MAGI2: variants seen among roughly 807,000 people sequenced by gnomAD.
MAGI2 encodes the protein membrane associated guanylate kinase, WW and PDZ domain containing 2, also known as membrane-associated guanylate kinase, WW and PDZ domain-containing protein 2.
MAGI2 carries 35 observed loss-of-function variants against 133.3 expected under a neutral mutation model. The ratio of observed to expected loss-of-function variants is 0.26; its 90% confidence interval spans 0.20 to 0.35. The LOEUF (loss-of-function observed/expected upper bound fraction) is 0.35. Among genes scored for constraint, MAGI2 ranks in the 10% least tolerant of loss-of-function variants. The pLI is 1.00. For synonymous variants in MAGI2, 729 were observed against 710.6 expected (o/e 1.03, Z -0.41); for missense variants, 1,636 against 1,863.4 (o/e 0.88, Z 2.25).
chr7:79,356,346 A>G (rs1842017704), intron 1 of MAGI2, among the ~76,000 whole-genome samples: 2 of 152,162 alleles, frequency 1.3e-5, no homozygotes, highest in African/African-American at 4.8e-5. Context: ...AATAATCTAC[A>G]TCAGCAATCA....
intron 1 of MAGI2, among the ~76,000 whole-genome samples, chr7:79,322,280 C>G (rs1839239959): frequency 6.6e-6 from 1 of 152,038 alleles, no homozygotes; most frequent in African/African-American, 2.4e-5. Flanking sequence ...GAGACAAGAG[C>G]AAAAACCAGC....
At chr7:78,282,207 C>G (rs1023830718) in intron 9 of MAGI2, among the ~76,000 whole-genome samples, 1 of 152,030 alleles carries the variant, frequency 6.6e-6, no homozygotes, top group Non-Finnish European at 1.5e-5. Context: ...GAGACTTAAA[C>G]TCATTTAGTG....
intron 1 of MAGI2, among the ~76,000 whole-genome samples, chr7:79,261,120 T>G (rs569084727): frequency 2.0e-5 from 3 of 152,318 alleles, no homozygotes; most frequent in Admixed American, 2.0e-4. Context: ...ATGGTCATGT[T>G]TCAGTATAGA....
chr7:78,201,556 A>T (rs1437871472), intron 10 of MAGI2, among the ~76,000 whole-genome samples: 2 of 152,200 alleles, frequency 1.3e-5, no homozygotes, highest in African/African-American at 4.8e-5. Context: ...ATACATTTTG[A>T]TTTCAAAGGT....
intron 1 of MAGI2, among the ~76,000 whole-genome samples, chr7:79,381,469 T>C (rs971302326): frequency 6.6e-6 from 1 of 151,784 alleles, no homozygotes; most frequent in Non-Finnish European, 1.5e-5. Context: ...AGTTCTTTCA[T>C]CCTTAAATAT....
intron 6 of MAGI2, among the ~76,000 whole-genome samples, chr7:78,435,598 T>C (rs1046633159): frequency 1.3e-5 from 2 of 152,062 alleles, no homozygotes; most frequent in Non-Finnish European, 2.9e-5. Flanking sequence ...GCAGAAGTGA[T>C]TGGAACCCAC....
chr7:78,743,199 C>G (rs1235101728), intron 2 of MAGI2, among the ~76,000 whole-genome samples: 1 of 151,888 alleles, frequency 6.6e-6, no homozygotes, highest in South Asian at 2.1e-4. Flanking sequence ...CTACTAGAAC[C>G]CTATAGAGAT....
intron 21 of MAGI2, among the ~76,000 whole-genome samples, chr7:78,073,750 G>A (rs1003854502): frequency 6.6e-6 from 1 of 152,188 alleles, no homozygotes; most frequent in African/African-American, 2.4e-5. Flanking sequence ...TCAAGGCAGG[G>A]AGCTAATCTG....
intron 9 of MAGI2, among the ~76,000 whole-genome samples, chr7:78,334,750 T>C (rs1789578046): frequency 6.6e-6 from 1 of 152,224 alleles, no homozygotes; most frequent in African/African-American, 2.4e-5. Context: ...TTCTGACTTT[T>C]GGTTCAAGAT....
intron 16 of MAGI2, among the ~76,000 whole-genome samples, chr7:78,138,093 G>C (rs1182241839): frequency 6.6e-6 from 1 of 152,176 alleles, no homozygotes; most frequent in Non-Finnish European, 1.5e-5. Context: ...TAGAACCCTA[G>C]TCTATCAGAT....
chr7:78,050,275 C>T (rs1463444032), intron 21 of MAGI2, among the ~76,000 whole-genome samples: 2 of 152,156 alleles, frequency 1.3e-5, no homozygotes, highest in Non-Finnish European at 2.9e-5. Context: ...CCTGTCTGAA[C>T]CTTAGGGATC....
At chr7:79,175,945 G>T (rs961723125) in intron 1 of MAGI2, among the ~76,000 whole-genome samples, 1 of 151,860 alleles carries the variant, frequency 6.6e-6, no homozygotes, top group African/African-American at 2.4e-5. Flanking sequence ...TACAAACCTT[G>T]CATGGGGCAT....
chr7:78,408,682 G>A lies in MAGI2; in HGVS notation c.1046-39469C>T, dbSNP rs115816412. Among the ~76,000 whole-genome samples the A allele has an allele frequency of 3.5e-3, 538 of 152,116 alleles. 1 individual carries two copies. The highest frequency in any genetic ancestry group is 0.012 in the African/African-American group (518 of 41,520). Reference sequence around the variant, plus strand: ...TTGAAAGGTAGCTGGTTTAAATTGCGATGTGCTGAAAAGTAGAAAATACAC... The same window carrying A: ...TTGAAAGGTAGCTGGTTTAAATTGCAATGTGCTGAAAAGTAGAAAATACAC... On this transcript the variant is annotated intron_variant, in intron 6 of 21. Coordinates refer to ENST00000354212, the MANE Select transcript of MAGI2 (RefSeq NM_012301.4).
At chr7:79,066,285 G>GT (rs538535344) in intron 1 of MAGI2, among the ~76,000 whole-genome samples, 8,667 of 127,290 alleles carry the variant, frequency 0.068, 797 homozygotes, top group African/African-American at 0.22. Flanking sequence ...TCAGTGTGGT[G>GT]TTTTTTTTTT....
intron 3 of MAGI2, among the ~76,000 whole-genome samples, chr7:78,582,733 G>A (rs1437956404): frequency 1.3e-5 from 2 of 152,126 alleles, no homozygotes; most frequent in African/African-American, 2.4e-5. Flanking sequence ...CATTTGTTAC[G>A]GCAGCTAGCA....
chr7:78,726,290 A>G (rs1486792966), intron 2 of MAGI2, among the ~76,000 whole-genome samples: 1 of 152,218 alleles, frequency 6.6e-6, no homozygotes, highest in Non-Finnish European at 1.5e-5. Flanking sequence ...AAACATTTGT[A>G]AAACTAAATG....
intron 3 of MAGI2, among the ~76,000 whole-genome samples, chr7:78,599,200 C>A (rs1224026598): frequency 6.6e-6 from 1 of 152,044 alleles, no homozygotes; most frequent in East Asian, 1.9e-4. Context: ...CCATTCCATA[C>A]ACACACACAA....
At chr7:79,192,473 A>T (rs1827758777) in intron 1 of MAGI2, among the ~76,000 whole-genome samples, 1 of 152,014 alleles carries the variant, frequency 6.6e-6, no homozygotes, top group Non-Finnish European at 1.5e-5. Context: ...TATAAAAAAA[A>T]CTACAAGAAG....
In MAGI2 at chr7:79,186,191, AATATATATAT is replaced by A. The variant is rs60719172; in HGVS notation, c.302-178995_302-178986del. On this transcript the variant is annotated intron_variant, in intron 1 of 21. Transcript: ENST00000354212. ...GAGGCCAGCCCTATTTGCCTGGGAAAATATATATATATATATATATATATATATATATATA... is the reference window on the plus strand; with the variant it reads ...GAGGCCAGCCCTATTTGCCTGGGAAAATATATATATATATATATATATATA... Among the ~76,000 whole-genome samples the A allele has an allele frequency of 1.5e-3, 166 of 111,764 alleles. 1 individual carries two copies. The highest frequency in any genetic ancestry group is 5.1e-3 in the African/African-American group (98 of 19,388). 73.3% of individuals were successfully genotyped at this position (111,764 alleles called of 152,430 possible). A position where few individuals can be genotyped will look rare whatever the true frequency, so the allele number is the denominator to read the frequency against.
Sources: allele counts gnomAD v4.1 joint callset (sites outside exome capture counted in the v4.1 genomes callset), GRCh38; gene constraint gnomAD v4.1.1; transcripts MANE v1.5; gene names NCBI Gene and HGNC (gene_info 2026-07-23, HGNC 2026-07-21).